The following PCDHA9 variants were observed in gnomAD, a reference collection of about 807,000 sequenced individuals.
The protein encoded by PCDHA9 is protocadherin alpha 9.
A neutral mutation model predicts 62.0 loss-of-function variants in PCDHA9; 62 were observed. The observed-to-expected ratio is 1.00, with a 90% CI of 0.81 to 1.23. The LOEUF (loss-of-function observed/expected upper bound fraction) is 1.23, where lower values mean the gene tolerates loss of function less well. Among genes scored for constraint, PCDHA9 ranks in the 50% most tolerant of loss-of-function variants. The pLI is 0.00. For missense variants in PCDHA9, 1,205 were observed against 1,249.8 expected (o/e 0.96, Z 0.54); for synonymous variants, 557 against 567.6 (o/e 0.98, Z 0.27).
chr5:140,875,767 A>G, intron 1 of PCDHA9: 1 of 1,614,144 alleles, frequency 6.2e-7, no homozygotes, highest in Non-Finnish European at 8.5e-7. Context: ...GTGCGGGCGG[A>G]GCGCGGAGTG....
intron 1 of PCDHA9, among the ~76,000 whole-genome samples, chr5:140,953,778 A>T (rs782648195): frequency 2.0e-5 from 3 of 151,986 alleles, no homozygotes; most frequent in Non-Finnish European, 2.9e-5. Context: ...ATATTTATTT[A>T]TTTTTTTCTT....
chr5:141,010,272 T>C lies in PCDHA9; in HGVS notation c.*335T>C. On this transcript the variant is annotated 3_prime_UTR_variant, in exon 4 of 4. Coordinates refer to ENST00000532602, the MANE Select transcript of PCDHA9 (RefSeq NM_031857.2). ...TCTCTGCCCTGTGCTCCGGGGATCC[T>C]GTCTTGATGACACTTGCAGGGCAGG... The C allele has an allele frequency of 6.4e-7, 1 of 1,551,508 alleles. No homozygotes were observed. Among genetic ancestry groups the C allele is most frequent in the Non-Finnish European group, 8.7e-7 (1 of 1,146,940 alleles).
At chr5:140,877,736 G>A (rs979836328) in intron 1 of PCDHA9, 22 of 1,614,170 alleles carry the variant, frequency 1.4e-5, no homozygotes, top group East Asian at 2.2e-5. Flanking sequence ...CAGCAGAGGA[G>A]GCAGAGGGTG....
intron 1 of PCDHA9, among the ~76,000 whole-genome samples, chr5:140,974,980 G>C (rs149148015): frequency 6.6e-6 from 1 of 152,090 alleles, no homozygotes; most frequent in African/African-American, 2.4e-5. Flanking sequence ...TGAGTTGTCC[G>C]CTCAGGTATT....
chr5:140,884,737 T>C (rs1554181872), intron 1 of PCDHA9: 1 of 1,443,634 alleles, frequency 6.9e-7, no homozygotes, highest in Non-Finnish European at 9.1e-7. Context: ...AAGACATCTT[T>C]CCTGCCAATT....
intron 1 of PCDHA9, chr5:140,871,125 G>T (rs1387416665): frequency 6.2e-7 from 1 of 1,613,330 alleles, no homozygotes; most frequent in Non-Finnish European, 8.5e-7. Context: ...GCGGACAGGC[G>T]CCAAAGGCCT....
At chr5:141,002,357 C>G (rs2098075744) in intron 3 of PCDHA9, among the ~76,000 whole-genome samples, 2 of 152,246 alleles carry the variant, frequency 1.3e-5, no homozygotes, top group Admixed American at 6.5e-5. Flanking sequence ...ACCTCCACTC[C>G]TTTCAACTCA....
At chr5:141,005,572 C>G (rs548748234) in intron 3 of PCDHA9, among the ~76,000 whole-genome samples, 59 of 150,976 alleles carry the variant, frequency 3.9e-4, no homozygotes, top group Non-Finnish European at 7.7e-4. Context: ...CATGGTGGCG[C>G]GTGCCTGTAG....
intron 1 of PCDHA9, chr5:140,862,626 C>A: frequency 1.9e-6 from 1 of 532,422 alleles, no homozygotes; most frequent in South Asian, 1.4e-5. Flanking sequence ...ACCCGCGGGG[C>A]TGCCACGACT....
At chr5:140,936,875 C>T (rs1052156307) in intron 1 of PCDHA9, among the ~76,000 whole-genome samples, 13 of 151,832 alleles carry the variant, frequency 8.6e-5, no homozygotes, top group Non-Finnish European at 1.5e-5. Flanking sequence ...TTTAAAAAAC[C>T]CTGCTTTGAT....
At chr5:140,912,674 A>G (rs184432134) in intron 1 of PCDHA9, among the ~76,000 whole-genome samples, 14 of 152,238 alleles carry the variant, frequency 9.2e-5, no homozygotes, top group Admixed American at 7.2e-4. Flanking sequence ...GGCATCCTTG[A>G]CTTATTCCAG....
At chr5:140,992,282 TG>T (rs1554252798) in intron 3 of PCDHA9, among the ~76,000 whole-genome samples, 1 of 152,178 alleles carries the variant, frequency 6.6e-6, no homozygotes, top group African/African-American at 2.4e-5. Context: ...AGCACATCCC[TG>T]CAAAGGATGG....
chr5:140,856,328 C>A, intron 1 of PCDHA9: 1 of 1,598,592 alleles, frequency 6.3e-7, no homozygotes. Context: ...CCGCGAGGAG[C>A]TGTGCGGGCG....
At position 140,853,409 on chromosome 5, in the gene PCDHA9, G is replaced by C. The variant is rs2042740384; in HGVS notation, c.2394+2520G>C. 1.0e-5 allele frequency: 10 copies of C among 985,968 alleles called. 2 individuals are homozygous for C. Among genetic ancestry groups the C allele is most frequent in the Non-Finnish European group, 1.2e-5 (10 of 818,342 alleles). 61.1% of individuals were successfully genotyped at this position (985,968 alleles called of 1,614,324 possible). On this transcript the variant is annotated intron_variant, in intron 1 of 3. Transcript: ENST00000532602. Reference sequence around the variant, plus strand: ...CAGCCTGTCAAGTTCAAAACAGAGAGGTGAAAGCAGAAGAGACACTTTCCT... The same window carrying C: ...CAGCCTGTCAAGTTCAAAACAGAGACGTGAAAGCAGAAGAGACACTTTCCT...
intron 1 of PCDHA9, chr5:140,856,667 C>T: frequency 6.3e-7 from 1 of 1,597,938 alleles, no homozygotes; most frequent in Non-Finnish European, 8.6e-7. Context: ...AAATCCTCAG[C>T]TAAAGTTGTT....
At chr5:140,973,665 T>G (rs1309458037) in intron 1 of PCDHA9, among the ~76,000 whole-genome samples, 1 of 152,248 alleles carries the variant, frequency 6.6e-6, no homozygotes, top group African/African-American at 2.4e-5. Context: ...CTATTTATTG[T>G]AGCTTGAATG....
At chr5:140,880,628 A>T (rs566696364) in intron 1 of PCDHA9, among the ~76,000 whole-genome samples, 46 of 152,352 alleles carry the variant, frequency 3.0e-4, no homozygotes, top group Non-Finnish European at 4.4e-5. Flanking sequence ...GGAGTTAATT[A>T]TCAATTCACT....
At chr5:140,894,793 T>C (rs1269028222) in intron 1 of PCDHA9, among the ~76,000 whole-genome samples, 2 of 152,170 alleles carry the variant, frequency 1.3e-5, no homozygotes, top group Non-Finnish European at 2.9e-5. Flanking sequence ...TGTCCTCTCC[T>C]TTAAAAATAA....
chr5:140,937,805 G>T (rs1192616946), intron 1 of PCDHA9, among the ~76,000 whole-genome samples: 1 of 149,924 alleles, frequency 6.7e-6, no homozygotes, highest in Admixed American at 6.6e-5. Flanking sequence ...CCAGCTACTC[G>T]GGAAGCTGAG....
Sources: allele counts gnomAD v4.1 joint callset (sites outside exome capture counted in the v4.1 genomes callset), GRCh38; gene constraint gnomAD v4.1.1; transcripts MANE v1.5; gene names NCBI Gene and HGNC (gene_info 2026-07-23, HGNC 2026-07-21).